Variants in TMC2 observed in about 807,000 individuals in gnomAD.
The protein encoded by TMC2 is transmembrane channel like 2, also known as transmembrane channel-like protein 2.
Under a neutral mutation model 105.9 loss-of-function variants are expected in TMC2, and 102 were observed. That is an observed-to-expected ratio of 0.96 (90% CI 0.82 to 1.14). TMC2 has a LOEUF of 1.14. Ranked by LOEUF, TMC2 falls within the 50% of genes most tolerant of loss-of-function variation. The probability of loss-of-function intolerance (pLI) is 0.00; values close to 1 mark genes in which losing one functional copy is unlikely to be tolerated. For missense variants in TMC2, 1,093 were observed against 1,134.3 expected (o/e 0.96, Z 0.52); for synonymous variants, 402 against 422.8 (o/e 0.95, Z 0.60).
intron 11 of TMC2, among the ~76,000 whole-genome samples, chr20:2,606,190 T>C (rs2086390242): frequency 6.6e-6 from 1 of 152,230 alleles, no homozygotes; most frequent in Admixed American, 6.5e-5. Context: ...TAAAGTCCAT[T>C]AACTTTACTT....
chr20:2,580,408 T>C (rs2086181121), intron 7 of TMC2, among the ~76,000 whole-genome samples: 1 of 152,184 alleles, frequency 6.6e-6, no homozygotes. Context: ...TAGGTGAATC[T>C]TACATTTTTC....
chr20:2,559,503 GC>G (rs1317733539), intron 3 of TMC2, among the ~76,000 whole-genome samples: 8 of 152,240 alleles, frequency 5.3e-5, no homozygotes, highest in African/African-American at 1.9e-4. Flanking sequence ...GATAACAGAT[GC>G]CTTATTCGTT....
intron 2 of TMC2, among the ~76,000 whole-genome samples, chr20:2,541,439 G>A (rs1013587962): frequency 2.0e-5 from 3 of 152,214 alleles, no homozygotes; most frequent in Admixed American, 2.0e-4. Flanking sequence ...TCAGGAGTTT[G>A]AGACCAGCCT....
At chr20:2,556,369 A>G (rs192353917) in intron 2 of TMC2, among the ~76,000 whole-genome samples, 2 of 152,236 alleles carry the variant, frequency 1.3e-5, no homozygotes, top group African/African-American at 2.4e-5. Context: ...GTGAGCCACC[A>G]GGTTTGGCCT....
intron 2 of TMC2, among the ~76,000 whole-genome samples, chr20:2,545,573 A>G (rs1006751841): frequency 3.9e-5 from 6 of 152,186 alleles, no homozygotes; most frequent in African/African-American, 1.2e-4. Context: ...TTGTCAAATA[A>G]TGCTGTAAAC....
At chr20:2,619,294 C>T (rs1028442) in intron 16 of TMC2, among the ~76,000 whole-genome samples, 10 of 151,942 alleles carry the variant, frequency 6.6e-5, no homozygotes, top group African/African-American at 1.7e-4. Context: ...GGAAAGTATG[C>T]GTGCTCTGGA....
chr20:2,579,085 GC>G (rs2146197059), intron 5 of TMC2, 60 bp from the exon 6 acceptor site: 1 of 941,972 alleles, frequency 1.1e-6, no homozygotes, highest in Non-Finnish European at 1.7e-6. Flanking sequence ...CCCTCATCAT[GC>G]CCCTTTGTGC....
chr20:2,575,512 C>T (rs776192087), intron 5 of TMC2, among the ~76,000 whole-genome samples: 8 of 152,120 alleles, frequency 5.3e-5, no homozygotes, highest in Non-Finnish European at 1.2e-4. Flanking sequence ...AATTTGTATT[C>T]ACTGCTTTTT....
At chr20:2,598,304 C>T (rs1349013460) in intron 10 of TMC2, among the ~76,000 whole-genome samples, 1 of 152,064 alleles carries the variant, frequency 6.6e-6, no homozygotes, top group Non-Finnish European at 1.5e-5. Context: ...ATGGTCTGTG[C>T]AGATCAGTCC....
intron 4 of TMC2, among the ~76,000 whole-genome samples, chr20:2,569,517 T>C (rs1056790040): frequency 1.3e-5 from 2 of 152,232 alleles, no homozygotes; most frequent in South Asian, 2.1e-4. Context: ...TTTTACTTAA[T>C]GGCCTTTTTG....
intron 11 of TMC2, among the ~76,000 whole-genome samples, chr20:2,605,427 T>C (rs577662091): frequency 9.1e-4 from 139 of 152,314 alleles, no homozygotes; most frequent in Non-Finnish European, 1.6e-3. Flanking sequence ...CAGGTGTCTG[T>C]CTTCTCCCTG....
intron 7 of TMC2, among the ~76,000 whole-genome samples, chr20:2,590,004 A>G (rs896018515): frequency 1.3e-5 from 2 of 152,170 alleles, no homozygotes; most frequent in African/African-American, 4.8e-5. Flanking sequence ...TCTGGAAACA[A>G]TCCAAATGTC....
intron 10 of TMC2, among the ~76,000 whole-genome samples, chr20:2,599,987 G>C (rs982302147): frequency 6.6e-6 from 1 of 152,150 alleles, no homozygotes; most frequent in Non-Finnish European, 1.5e-5. Flanking sequence ...CCTAGAGCCC[G>C]GTGGGCTTTG....
rs2086685464 is a variant in TMC2 at position 2,641,138 on chromosome 20, C to T, written c.2508C>T (p.Thr836=). 2 of 1,614,042 alleles carry T rather than the reference C, an allele frequency of 1.2e-6. No individual in the cohort carries two copies. Among genetic ancestry groups the T allele is most frequent in the Non-Finnish European group, 1.7e-6 (2 of 1,179,972 alleles). ...ATQLQLTKEE[T]TPPSASQSQA... Reference sequence around the variant, plus strand: ...TTGTCTTGGTTCGTTTTCCAGAGACCACTCCTCCCTCTGCCAGCCAAAGCC... The same window carrying T: ...TTGTCTTGGTTCGTTTTCCAGAGACTACTCCTCCCTCTGCCAGCCAAAGCC... The change falls in exon 20 of 20, where the codon ACC becomes ACT. Residue 836 remains threonine, a synonymous_variant. Transcript: ENST00000358864.
chr20:2,541,598 A>C (rs1025979938), intron 2 of TMC2, among the ~76,000 whole-genome samples: 3 of 151,298 alleles, frequency 2.0e-5, no homozygotes, highest in Non-Finnish European at 4.4e-5. Context: ...CCCAGATTGC[A>C]CCACTGCCCT....
chr20:2,542,383 T>C (rs1291563095), intron 2 of TMC2, among the ~76,000 whole-genome samples: 1 of 152,212 alleles, frequency 6.6e-6, no homozygotes. Context: ...GTAAGGTTTG[T>C]TAAGCAGGTA....
At position 2,597,275 on chromosome 20, in the gene TMC2, G is replaced by T. The variant is rs1449296376; in HGVS notation, c.1201G>T (p.Ala401Ser). ...TTCAGAGACAGCTGATAACAAATAT[G>T]CATCCATCACCACCAGCTTCAAGGT... ...GNSETADNKY[A>S]SITTSFKESI... The change falls in exon 10 of 20, where the codon GCA (alanine) becomes TCA (serine). Residue 401 changes from alanine (A) to serine (S), a missense_variant. Coordinates refer to ENST00000358864, the MANE Select transcript of TMC2 (RefSeq NM_080751.3). 6.2e-7 allele frequency: 1 copy of T among 1,613,950 alleles called. No homozygotes were observed. Among genetic ancestry groups the T allele is most frequent in the South Asian group, 1.1e-5 (1 of 91,070 alleles).
chr20:2,613,649 A>G (rs1363858542), intron 14 of TMC2: 6 of 343,088 alleles, frequency 1.7e-5, no homozygotes, highest in Admixed American at 8.2e-5. Flanking sequence ...CTCAACTCTC[A>G]TTATGGGGGC....
chr20:2,625,571 A>G (rs2086558553), intron 17 of TMC2, among the ~76,000 whole-genome samples: 1 of 152,232 alleles, frequency 6.6e-6, no homozygotes, highest in Admixed American at 6.5e-5. Flanking sequence ...ATCCATGCGG[A>G]TACATGAGCA....
Sources: allele counts gnomAD v4.1 joint callset (sites outside exome capture counted in the v4.1 genomes callset), GRCh38; gene constraint gnomAD v4.1.1; transcripts MANE v1.5; gene names NCBI Gene and HGNC (gene_info 2026-07-23, HGNC 2026-07-21).